SF3B1: variants seen among roughly 807,000 people sequenced by gnomAD.
The protein encoded by SF3B1 is splicing factor 3b subunit 1, also known as pre-mRNA processing 10.
In SF3B1, 12 loss-of-function variants were observed where a neutral mutation model predicts 153.8. The observed-to-expected ratio is 0.08, with a 90% confidence interval of 0.05 to 0.13. SF3B1 has a LOEUF of 0.13. Among genes scored for constraint, SF3B1 ranks in the 10% least tolerant of loss-of-function variants. The pLI is 1.00. For synonymous variants in SF3B1, 498 were observed against 525.2 expected (o/e 0.95, Z 0.71); for missense variants, 513 against 1,606.1 (o/e 0.32, Z 11.63).
chr2:197,418,488 A>G (rs1037024116), intron 5 of SF3B1, 21 bp downstream of exon 5: 2 of 1,561,276 alleles, frequency 1.3e-6, no homozygotes, highest in African/African-American at 2.7e-5. Context: ...AACCATTAAA[A>G]CAGGAGACAG....
intron 8 of SF3B1, 113 bp from the exon 9 acceptor site, chr2:197,408,232 C>A: frequency 1.6e-6 from 2 of 1,284,516 alleles, no homozygotes; most frequent in African/African-American, 1.5e-5. Flanking sequence ...ATATTATAAA[C>A]GCAAACCAAG....
chr2:197,432,357 C>T (rs1196584227), intron 1 of SF3B1, among the ~76,000 whole-genome samples: 1 of 152,190 alleles, frequency 6.6e-6, no homozygotes, highest in African/African-American at 2.4e-5. Context: ...TGTTTGTATG[C>T]CAAAGTCAGC....
chr2:197,395,977 A>G (rs2084870866), intron 23 of SF3B1, 79 bp downstream of exon 23: 1 of 1,287,222 alleles, frequency 7.8e-7, no homozygotes, highest in African/African-American at 1.5e-5. Flanking sequence ...GTAAAAAGTC[A>G]TCTAATAACT....
chr2:197,409,880 G>T lies in SF3B1; in HGVS notation c.794C>A (p.Ala265Asp). The stretch of plus-strand genomic sequence containing the variant: ...TGTATCACCTCGTCCAGGAGTAGCA[G>T]CTCCCGCTGGTGTGTGGCTAGGTGT... The part of the protein sequence containing the change: ...DPTPSHTPAG[A>D]ATPGRGDTPG... Residue 265 changes from alanine to aspartate, a missense_variant, in exon 7 of 25, where the codon GCT becomes GAT. Transcript: ENST00000335508. 1 of 1,614,170 alleles carries T rather than the reference G, an allele frequency of 6.2e-7. No individual in the cohort carries two copies. Among genetic ancestry groups the T allele is most frequent in the East Asian group, 2.2e-5 (1 of 44,884 alleles).
intron 9 of SF3B1, 66 bp downstream of exon 9, chr2:197,407,932 A>T: frequency 6.8e-7 from 1 of 1,474,574 alleles, no homozygotes; most frequent in East Asian, 2.3e-5. Context: ...AGCTTAATCA[A>T]TTTTTTTCAC....
intron 24 of SF3B1, 115 bp from the exon 25 acceptor site, chr2:197,392,576 G>GGT: frequency 3.2e-6 from 1 of 314,834 alleles, no homozygotes; most frequent in East Asian, 7.6e-5. Context: ...GAGTTGGGGG[G>GGT]GGGGGAACCT....
rs1325736481 is a variant in SF3B1, at chr2:197,390,686, G to A, written c.*1617C>T. 1 of 150,604 alleles carries A rather than the reference G, an allele frequency of 6.6e-6. No homozygotes were observed. The highest frequency in any genetic ancestry group is 2.4e-5 in the African/African-American group (1 of 40,830). 9.3% of individuals were successfully genotyped at this position (150,604 alleles called of 1,614,324 possible). ...GCAGCGCTATCTCGGCTCACTGCAA[G>A]CTCCGCCTCCCGGGTTCAAGCCATT... On this transcript the variant is annotated 3_prime_UTR_variant, in exon 25 of 25. Transcript: ENST00000335508.
intron 2 of SF3B1, among the ~76,000 whole-genome samples, chr2:197,422,544 A>G (rs1337982301): frequency 2.6e-5 from 4 of 152,142 alleles, no homozygotes; most frequent in Non-Finnish European, 5.9e-5. Flanking sequence ...TAGAATTTAA[A>G]GTATAATAAT....
At chr2:197,404,594 A>G (rs902974899) in intron 11 of SF3B1, 3 of 152,222 alleles carry the variant, frequency 2.0e-5, no homozygotes, top group Non-Finnish European at 4.4e-5. Context: ...TATATATAAT[A>G]TTAATAATAA....
Position 197,418,741 on chromosome 2 carries a change from TTTTA to T in SF3B1, c.416-157_416-154del, listed in dbSNP as rs1170618901. 18 of 1,453,758 alleles carry T rather than the reference TTTTA, an allele frequency of 1.2e-5. No individual in the cohort carries two copies. In the East Asian group the frequency reaches 4.2e-4, roughly 34 times the overall value. The allele number at this position is 1,453,758 out of a possible 1,614,324, so 90.1% of individuals were successfully genotyped here. A position where few individuals can be genotyped will look rare whatever the true frequency, so the allele number is the denominator to read the frequency against. ...AACTTTAATAATTATACATCTTACT[TTTTA>T]TTGAGTTTGCTGATCAATTTAACCT... On this transcript the variant is annotated intron_variant, in intron 4 of 24. Coordinates refer to ENST00000335508, the MANE Select transcript of SF3B1 (RefSeq NM_012433.4).
chr2:197,426,859 A>T (rs1354547888), intron 1 of SF3B1, among the ~76,000 whole-genome samples: 1 of 152,030 alleles, frequency 6.6e-6, no homozygotes, highest in Non-Finnish European at 1.5e-5. Context: ...TCTACCTCAT[A>T]CACAACTAAA....
At position 197,392,414 on chromosome 2, in the gene SF3B1, A is replaced by G. The variant is rs2084819321; in HGVS notation, c.3804T>C (p.Ile1268=). Reference sequence around the variant, plus strand: ...GGGAACCAATGTAGATGGAGTTGTAAATTTTCCAATATACATCTCTGACTT... The same window carrying G: ...GGGAACCAATGTAGATGGAGTTGTAGATTTTCCAATATACATCTCTGACTT... ...ARKVRDVYWK[I]YNSIYIGSQD... is the part of the protein sequence containing the mutation. The change falls in exon 25 of 25, where the codon ATT becomes ATC. Residue 1268 remains isoleucine (I), a synonymous_variant. Coordinates refer to ENST00000335508, the MANE Select transcript of SF3B1 (RefSeq NM_012433.4). The G allele has an allele frequency of 1.9e-6, 3 of 1,612,580 alleles. No homozygotes were observed. The highest frequency in any genetic ancestry group is 2.5e-6 in the Non-Finnish European group (3 of 1,178,898).
chr2:197,392,380 G>A lies in SF3B1; in HGVS notation c.3838C>T (p.Leu1280Phe). 2 of 1,608,438 alleles carry A rather than the reference G, an allele frequency of 1.2e-6. No individual in the cohort carries two copies. Among genetic ancestry groups the A allele is most frequent in the Non-Finnish European group, 8.5e-7 (1 of 1,175,004 alleles). ...TAGATTCTTGGGTAATGTGCTATGA[G>A]AGCGTCCTGGGAACCAATGTAGATG... Reference protein sequence around the residue: ...NSIYIGSQDALIAHYPRIYND... With the variant: ...NSIYIGSQDAFIAHYPRIYND... Residue 1280 changes from leucine (L) to phenylalanine (F), a missense_variant, in exon 25 of 25, where the codon CTC becomes TTC. Physicochemically the swap from Leu to Phe is conservative, Grantham distance 22. This residue lies in a region of SF3B1 where 33 missense variants were observed against 43.5 expected (regional missense o/e 0.76). Transcript: ENST00000335508.
chr2:197,425,681 A>G (rs914853644), intron 1 of SF3B1, among the ~76,000 whole-genome samples: 6 of 151,898 alleles, frequency 4.0e-5, no homozygotes, highest in African/African-American at 1.5e-4. Context: ...TCACATTTCC[A>G]CATAAGAAAG....
chr2:197,391,733 A>G lies in SF3B1; in HGVS notation c.*570T>C, dbSNP rs2084811867. On this transcript the variant is annotated 3_prime_UTR_variant, in exon 25 of 25. Coordinates refer to ENST00000335508, the MANE Select transcript of SF3B1 (RefSeq NM_012433.4). ...TTAGCAAAAGTGCTACTTTTCTACG[A>G]TGATGGAATGGTTGTGCTAGTTTGA... 1 of 152,832 alleles carries G rather than the reference A, an allele frequency of 6.5e-6. No individual in the cohort carries two copies. Among genetic ancestry groups the G allele is most frequent in the Non-Finnish European group, 1.5e-5 (1 of 68,406 alleles). 9.5% of individuals were successfully genotyped at this position (152,832 alleles called of 1,614,324 possible).
chr2:197,401,814 A>C lies in SF3B1; in HGVS notation c.2298T>G (p.Thr766=). 1 of 1,612,356 alleles carries C rather than the reference A, an allele frequency of 6.2e-7. No individual in the cohort carries two copies. The highest frequency in any genetic ancestry group is 8.5e-7 in the Non-Finnish European group (1 of 1,179,000). ...GAATAAGGATTAACATCACTTCTCT[A>C]GTATAGTAGTTGGCATATTCTGCAT... is the stretch of plus-strand genomic sequence containing the variant. ...LMDAEYANYY[T]REVMLILIRE... is the part of the protein sequence containing the mutation. Residue 766 remains threonine (T), a synonymous_variant, in exon 16 of 25, where the codon ACT becomes ACG. Transcript: ENST00000335508. The surrounding 1 kb of genome is among the most constrained non-coding windows in gnomAD (Gnocchi z 4.2).
At chr2:197,409,517 T>C (rs1175400460) in intron 7 of SF3B1, among the ~76,000 whole-genome samples, 1 of 152,168 alleles carries the variant, frequency 6.6e-6, no homozygotes, top group African/African-American at 2.4e-5. Context: ...AGCAAGACCC[T>C]ATCTCTAAAG....
intron 5 of SF3B1, 100 bp downstream of exon 5, chr2:197,418,408 AT>A (rs1169719036): frequency 1.3e-5 from 10 of 792,780 alleles, no homozygotes; most frequent in Non-Finnish European, 2.0e-5. Context: ...TAATACTATT[AT>A]TTGTGCAGCA....
At chr2:197,424,535 A>T (rs1559277968) in intron 1 of SF3B1, among the ~76,000 whole-genome samples, 1 of 151,840 alleles carries the variant, frequency 6.6e-6, no homozygotes, top group African/African-American at 2.4e-5. Context: ...CATCTAACAA[A>T]CATATAACCT....
Sources: allele counts gnomAD v4.1 joint callset (sites outside exome capture counted in the v4.1 genomes callset), GRCh38; gene constraint gnomAD v4.1.1; regional missense constraint gnomAD v4.1.1; non-coding constraint Gnocchi (gnomAD v3.1); transcripts MANE v1.5; gene names NCBI Gene and HGNC (gene_info 2026-07-23, HGNC 2026-07-21).